Variants in DPYD observed in about 807,000 individuals in gnomAD.
The protein encoded by DPYD is dihydropyrimidine dehydrogenase [NADP(+)].
Under a neutral mutation model 116.2 loss-of-function variants are expected in DPYD, and 109 were observed. The ratio of observed to expected loss-of-function variants is 0.94; its 90% CI spans 0.80 to 1.10. The LOEUF (loss-of-function observed/expected upper bound fraction) is 1.10. Among genes scored for constraint, DPYD ranks in the 50% least tolerant of loss-of-function variants. DPYD has a pLI of 0.00. For missense variants in DPYD, 1,302 were observed against 1,254.5 expected, an observed-to-expected ratio of 1.04 and a Z score of -0.57; for synonymous variants, 440 against 432.0, an observed-to-expected ratio of 1.02 and a Z score of -0.23.
At chr1:97,752,177 C>A (rs1664967340) in intron 3 of DPYD, among the ~76,000 whole-genome samples, 1 of 151,818 alleles carries the variant, frequency 6.6e-6, no homozygotes, top group Non-Finnish European at 1.5e-5. Flanking sequence ...GAATTGTCTT[C>A]CTCTTAGAAC....
intron 12 of DPYD, among the ~76,000 whole-genome samples, chr1:97,529,781 CTCTT>C (rs1489519786): frequency 2.5e-5 from 3 of 118,288 alleles, no homozygotes; most frequent in African/African-American, 7.1e-5. Flanking sequence ...TTCTTTCTTT[CTCTT>C]TTTCTTTTTT....
intron 8 of DPYD, among the ~76,000 whole-genome samples, chr1:97,645,638 G>A (rs1470695396): frequency 6.6e-6 from 1 of 151,650 alleles, no homozygotes; most frequent in Non-Finnish European, 1.5e-5. Flanking sequence ...TAATTCATGA[G>A]GCTTAATGAT....
At chr1:97,538,224 T>A (rs771634053) in intron 12 of DPYD, among the ~76,000 whole-genome samples, 1 of 152,188 alleles carries the variant, frequency 6.6e-6, no homozygotes. Context: ...AGAAAGAAGA[T>A]GGAATATCTA....
chr1:97,711,315 T>C (rs1018248188), intron 5 of DPYD, among the ~76,000 whole-genome samples: 2 of 151,924 alleles, frequency 1.3e-5, no homozygotes, highest in African/African-American at 4.8e-5. Flanking sequence ...CAAAATCATA[T>C]GCTCAGGACA....
intron 16 of DPYD, among the ~76,000 whole-genome samples, chr1:97,356,190 G>C (rs1439419311): frequency 6.6e-6 from 1 of 152,066 alleles, no homozygotes; most frequent in South Asian, 2.1e-4. Context: ...CCGATGTTGA[G>C]CATTTTTTCA....
rs527556352 is a variant in DPYD, at chr1:97,441,988, T to C, written c.1905+8071A>G. ...CTTGTGGTCATAGAGTTTTCCAGTT[T>C]GGCTGGCAAGAACAGTCACTATTCC... On this transcript the variant is annotated intron_variant, in intron 14 of 22. Transcript: ENST00000370192. Among the ~76,000 whole-genome samples the C allele has an allele frequency of 3.9e-5, 6 of 152,272 alleles. 1 individual carries two copies. In the South Asian group the frequency reaches 1.2e-3, roughly 32 times the overall value.
chr1:97,123,135 C>G (rs988659058), intron 20 of DPYD, among the ~76,000 whole-genome samples: 2 of 152,094 alleles, frequency 1.3e-5, no homozygotes, highest in South Asian at 4.1e-4. Flanking sequence ...CAGTTTTCAG[C>G]TGATGAAACA....
At chr1:97,583,135 A>T (rs868234066) in intron 10 of DPYD, among the ~76,000 whole-genome samples, 2 of 151,588 alleles carry the variant, frequency 1.3e-5, no homozygotes, top group African/African-American at 2.4e-5. Context: ...CACCCCGCTA[A>T]TTTTTTTGTA....
intron 16 of DPYD, among the ~76,000 whole-genome samples, chr1:97,372,993 A>G (rs1460625470): frequency 6.6e-6 from 1 of 152,194 alleles, no homozygotes; most frequent in African/African-American, 2.4e-5. Context: ...AGTGTTTTCT[A>G]TATATTAACA....
intron 16 of DPYD, among the ~76,000 whole-genome samples, chr1:97,365,058 G>T (rs1170106494): frequency 6.6e-6 from 1 of 152,116 alleles, no homozygotes; most frequent in African/African-American, 2.4e-5. Context: ...CGTTTAATTT[G>T]TCTTATTCCT....
At chr1:97,450,595 CT>C (rs143314126) in intron 13 of DPYD, among the ~76,000 whole-genome samples, 5,287 of 151,798 alleles carry the variant, frequency 0.035, 122 homozygotes, top group East Asian at 0.12. Context: ...ATCTAGGTAT[CT>C]CCAATCATAG....
intron 12 of DPYD, among the ~76,000 whole-genome samples, chr1:97,539,026 G>C (rs935980595): frequency 6.6e-6 from 1 of 152,126 alleles, no homozygotes; most frequent in African/African-American, 2.4e-5. Context: ...CAGAAGAATA[G>C]TATTTAGGAA....
At chr1:97,285,953 T>C (rs954342134) in intron 18 of DPYD, among the ~76,000 whole-genome samples, 4 of 152,216 alleles carry the variant, frequency 2.6e-5, no homozygotes, top group Non-Finnish European at 4.4e-5. Context: ...GTGAATTTGA[T>C]CCTGTCATTA....
At chr1:97,724,653 C>G (rs900364277) in intron 4 of DPYD, among the ~76,000 whole-genome samples, 2 of 151,306 alleles carry the variant, frequency 1.3e-5, no homozygotes, top group South Asian at 4.2e-4. Flanking sequence ...TGAGGCTCAC[C>G]TACACTTGGG....
chr1:97,492,999 T>C (rs1679053839), intron 13 of DPYD, among the ~76,000 whole-genome samples: 1 of 152,210 alleles, frequency 6.6e-6, no homozygotes, highest in Non-Finnish European at 1.5e-5. Context: ...AAGAGATGCA[T>C]GAATGAAACG....
At chr1:97,702,557 A>G (rs1372014338) in intron 5 of DPYD, among the ~76,000 whole-genome samples, 2 of 151,930 alleles carry the variant, frequency 1.3e-5, no homozygotes, top group African/African-American at 4.8e-5. Context: ...TAAAAGTATC[A>G]TTTATTGCTG....
At chr1:97,513,069 A>T (rs1647924941) in intron 13 of DPYD, among the ~76,000 whole-genome samples, 1 of 151,778 alleles carries the variant, frequency 6.6e-6, no homozygotes, top group East Asian at 1.9e-4. Context: ...AAGAATAATA[A>T]TATTTCTGTT....
intron 7 of DPYD, 133 bp from the exon 8 acceptor site, chr1:97,679,315 G>T: frequency 1.8e-6 from 1 of 564,248 alleles, no homozygotes; most frequent in Non-Finnish European, 3.2e-6. Context: ...CAACATTTTT[G>T]TCTTTTAGTA....
intron 3 of DPYD, among the ~76,000 whole-genome samples, chr1:97,795,588 A>G (rs1667532023): frequency 1.3e-5 from 2 of 152,028 alleles, no homozygotes; most frequent in South Asian, 4.1e-4. Context: ...CTATAATTTT[A>G]CCTTTGTCTT....
Sources: allele counts gnomAD v4.1 joint callset (sites outside exome capture counted in the v4.1 genomes callset), GRCh38; gene constraint gnomAD v4.1.1; transcripts MANE v1.5; gene names NCBI Gene and HGNC (gene_info 2026-07-23, HGNC 2026-07-21).